The following IKBKE variants were observed in gnomAD, a reference collection of about 807,000 sequenced individuals.
The protein encoded by IKBKE is inhibitor of nuclear factor kappa B kinase subunit epsilon, also known as inhibitor of nuclear factor kappa-B kinase subunit epsilon.
Under a neutral mutation model 92.1 loss-of-function variants are expected in IKBKE, and 45 were observed. The observed-to-expected ratio is 0.49, with a 90% confidence interval of 0.38 to 0.63. The LOEUF is 0.63. Among genes scored for constraint, IKBKE ranks in the 20% least tolerant of loss-of-function variants. IKBKE has a pLI of 0.00. For missense variants in IKBKE, 700 were observed against 932.8 expected (o/e 0.75, Z 3.25); for synonymous variants, 374 against 380.3 (o/e 0.98, Z 0.19).
chr1:206,488,804 G>A (rs1049794511), intron 16 of IKBKE, among the ~76,000 whole-genome samples: 4 of 152,132 alleles, frequency 2.6e-5, no homozygotes, highest in Non-Finnish European at 5.9e-5. Context: ...TGCCAGACAC[G>A]TATGTAATTC....
intron 4 of IKBKE, 78 bp from the exon 5 acceptor site, chr1:206,474,787 C>A: frequency 6.5e-7 from 1 of 1,550,062 alleles, no homozygotes; most frequent in Non-Finnish European, 8.8e-7. Context: ...GCTCTGGGCT[C>A]CAGGCTGAGC....
chr1:206,480,920 G>A (rs767605046), intron 13 of IKBKE, among the ~76,000 whole-genome samples: 1 of 152,168 alleles, frequency 6.6e-6, no homozygotes, highest in Non-Finnish European at 1.5e-5. Flanking sequence ...GTTCCTGGAT[G>A]TGACCAGGGA....
Position 206,478,129 on chromosome 1 carries a change from C to T in IKBKE, c.813-31C>T, listed in dbSNP as rs576052033. On this transcript the variant is annotated intron_variant, in intron 8 of 21. Coordinates refer to ENST00000581977, the MANE Select transcript of IKBKE (RefSeq NM_014002.4). This position sits in a 1 kb window ranked among gnomAD's most constrained non-coding sequence, Gnocchi z 4.8. Reference sequence around the variant, plus strand: ...AAGGAGGATAGGTCTGGGCCCCCACCCCTGACAGTCTCCATGTCCTGGGAG... The same window carrying T: ...AAGGAGGATAGGTCTGGGCCCCCACTCCTGACAGTCTCCATGTCCTGGGAG... The T allele has an allele frequency of 1.4e-5, 23 of 1,605,114 alleles. No homozygotes were observed. The Admixed American group carries it at 3.5e-4, about 25-fold the overall frequency.
chr1:206,484,483 C>T (rs1247018311), intron 13 of IKBKE, among the ~76,000 whole-genome samples: 1 of 152,172 alleles, frequency 6.6e-6, no homozygotes, highest in Admixed American at 6.5e-5. Flanking sequence ...TGCAAATGCC[C>T]ACCCCATTAT....
chr1:206,488,282 G>A (rs1400397549), intron 16 of IKBKE, among the ~76,000 whole-genome samples: 7 of 152,230 alleles, frequency 4.6e-5, no homozygotes, highest in South Asian at 2.1e-4. Context: ...CCAGTGGGCC[G>A]GGACCTGGGT....
In IKBKE at chr1:206,493,035, G is replaced by C. The variant is rs1553391021; in HGVS notation, c.1848G>C (p.Glu616Asp). The change falls in exon 19 of 22, where the codon GAG becomes GAC. Residue 616 changes from glutamate to aspartate, a missense_variant. Glu to Asp is a conservative substitution (Grantham distance 45). Coordinates refer to ENST00000581977, the MANE Select transcript of IKBKE (RefSeq NM_014002.4). ...GTGTTCTCTTGAGGGTGGTGCACGA[G>C]ACCAGGAACCACCTGCGCCTGGTTG... ...THGKRMRVVHETRNHLRLVGC... is the reference protein window; with the variant it reads ...THGKRMRVVHDTRNHLRLVGC... The C allele has an allele frequency of 6.4e-7, 1 of 1,573,696 alleles. No homozygotes were observed. Among genetic ancestry groups the C allele is most frequent in the Admixed American group, 1.9e-5 (1 of 53,304 alleles).
At position 206,487,677 on chromosome 1, in the gene IKBKE, C is replaced by T. The variant is rs782270459; in HGVS notation, c.1617-237C>T. 5.9e-5 allele frequency among the ~76,000 whole-genome samples: 9 copies of T among 152,046 alleles called. No individual in the cohort carries two copies. Among genetic ancestry groups the T allele is most frequent in the Admixed American group, 1.3e-4 (2 of 15,268 alleles). On this transcript the variant is annotated intron_variant, in intron 15 of 21. Coordinates refer to ENST00000581977, the MANE Select transcript of IKBKE (RefSeq NM_014002.4). This position sits in a 1 kb window ranked among gnomAD's most constrained non-coding sequence, Gnocchi z 5.3. ...CTTATCTCCTACTTAACTCATGCTG[C>T]GAGTGCATGTGTGTGAGAGAGGAAG... is the stretch of plus-strand genomic sequence containing the variant.
At chr1:206,474,615 G>A (rs1664956864) in intron 4 of IKBKE, 144 bp downstream of exon 4, 4 of 911,848 alleles carry the variant, frequency 4.4e-6, no homozygotes, top group East Asian at 2.7e-5. Context: ...GGAGCAAAGG[G>A]GGCAAGGGGG....
chr1:206,482,483 C>T (rs570937196), intron 13 of IKBKE, among the ~76,000 whole-genome samples: 96 of 152,304 alleles, frequency 6.3e-4, no homozygotes, highest in African/African-American at 1.9e-3. Flanking sequence ...TCCTGGTGTC[C>T]GCTGGCTGCT....
chr1:206,478,825 C>G lies in IKBKE; in HGVS notation c.993-118C>G, dbSNP rs570632784. 1,207 of 801,420 alleles carry G rather than the reference C, an allele frequency of 1.5e-3. 17 individuals carry two copies. The highest frequency in any genetic ancestry group is 0.011 in the South Asian group (745 of 69,328). 49.6% of individuals were successfully genotyped at this position (801,420 alleles called of 1,614,324 possible). On this transcript the variant is annotated intron_variant, in intron 9 of 21. Coordinates refer to ENST00000581977, the MANE Select transcript of IKBKE (RefSeq NM_014002.4). The surrounding 1 kb of genome is among the most constrained non-coding windows in gnomAD (Gnocchi z 4.8). Reference sequence around the variant, plus strand: ...CAGAGAAAACCACCCCCGTCCCTCCCTCTGCAAAACAGAGCCCTGTCTATG... The same window carrying G: ...CAGAGAAAACCACCCCCGTCCCTCCGTCTGCAAAACAGAGCCCTGTCTATG...
chr1:206,474,549 A>G (rs1664952645), intron 4 of IKBKE, 78 bp downstream of exon 4: 7 of 1,412,516 alleles, frequency 5.0e-6, no homozygotes, highest in Non-Finnish European at 6.8e-6. Context: ...ACATGATAAC[A>G]GAGATTTGGT....
rs1011590855 is a variant in IKBKE at position 206,476,770 on chromosome 1, G to T, written c.633G>T (p.Leu211Phe). 5 of 1,614,240 alleles carry T rather than the reference G, an allele frequency of 3.1e-6. No individual in the cohort carries two copies. The highest frequency in any genetic ancestry group is 4.2e-6 in the Non-Finnish European group (5 of 1,180,046). Residue 211 changes from leucine (L) to phenylalanine (F), a missense_variant, in exon 7 of 22, where the codon TTG (leucine) becomes TTT (phenylalanine). By Grantham distance (22) the Leu-to-Phe change is conservative. Coordinates refer to ENST00000581977, the MANE Select transcript of IKBKE (RefSeq NM_014002.4). The surrounding 1 kb of genome is among the most constrained non-coding windows in gnomAD (Gnocchi z 5.1). ...TVDLWSIGVT[L>F]YHAATGSLPF... is the part of the protein sequence containing the mutation. ...ATCTCTGGAGCATTGGAGTGACCTT[G>T]TACCATGCAGCCACTGGCAGCCTGC...
At position 206,487,998 on chromosome 1, in the gene IKBKE, C is replaced by A; in HGVS notation, c.1693+8C>A. On this transcript the variant is annotated splice_region_variant and intron_variant, in intron 16 of 21. Coordinates refer to ENST00000581977, the MANE Select transcript of IKBKE (RefSeq NM_014002.4). The surrounding 1 kb of genome is among the most constrained non-coding windows in gnomAD (Gnocchi z 5.3). ...AGTCTAGGATGAGGCCAGGTGAGCC[C>A]GGGGAGGGCAGATGCCCCTTCTCTC... The A allele has an allele frequency of 6.2e-7, 1 of 1,606,528 alleles. No homozygotes were observed.
In IKBKE at chr1:206,496,109, T is replaced by C. The variant is rs41299894; in HGVS notation, c.2118-3T>C. 5,508 of 1,613,014 alleles carry C rather than the reference T, an allele frequency of 3.4e-3. 206 individuals are homozygous for C. In the African/African-American group the frequency reaches 0.066, roughly 19 times the overall value. On this transcript the variant is annotated splice_polypyrimidine_tract_variant and splice_region_variant and intron_variant, in intron 21 of 21. Transcript: ENST00000581977. The stretch of plus-strand genomic sequence containing the variant: ...CACTGCTAGCCTGTACCTTTTCTTG[T>C]AGGCTAAATAGAGTCCCAGCACCTC...
In IKBKE at chr1:206,478,842, C is replaced by A; in HGVS notation, c.993-101C>A. On this transcript the variant is annotated intron_variant, in intron 9 of 21. Transcript: ENST00000581977. The surrounding 1 kb of genome is among the most constrained non-coding windows in gnomAD (Gnocchi z 4.8). ...GTCCCTCCCTCTGCAAAACAGAGCC[C>A]TGTCTATGGGCAACGCTTAGCTGGG... 1.1e-6 allele frequency: 1 copy of A among 918,030 alleles called. No individual in the cohort carries two copies. The highest frequency in any genetic ancestry group is 1.3e-5 in the South Asian group (1 of 75,156). 56.9% of individuals were successfully genotyped at this position (918,030 alleles called of 1,614,324 possible). A position where few individuals can be genotyped will look rare whatever the true frequency, so the allele number is the denominator to read the frequency against.
At position 206,478,091 on chromosome 1, in the gene IKBKE, C is replaced by T. The variant is rs1665168812; in HGVS notation, c.813-69C>T. 7.4e-7 allele frequency: 1 copy of T among 1,357,670 alleles called. No homozygotes were observed. Among genetic ancestry groups the T allele is most frequent in the African/African-American group, 1.4e-5 (1 of 69,918 alleles). 84.1% of individuals were successfully genotyped at this position (1,357,670 alleles called of 1,614,324 possible). Reference sequence around the variant, plus strand: ...TTCAGGATATTCTCTTAGAACGCTCCTATTGCCTGCTTAAGGAGGATAGGT... The same window carrying T: ...TTCAGGATATTCTCTTAGAACGCTCTTATTGCCTGCTTAAGGAGGATAGGT... On this transcript the variant is annotated intron_variant, in intron 8 of 21. Coordinates refer to ENST00000581977, the MANE Select transcript of IKBKE (RefSeq NM_014002.4). This position sits in a 1 kb window ranked among gnomAD's most constrained non-coding sequence, Gnocchi z 4.8.
chr1:206,485,119 G>T lies in IKBKE; in HGVS notation c.1503+47G>T. On this transcript the variant is annotated intron_variant, in intron 14 of 21. Transcript: ENST00000581977. The surrounding 1 kb of genome is among the most constrained non-coding windows in gnomAD (Gnocchi z 5.0). ...GGGCTTAGCAGGATCAGAGCTGGGG[G>T]CCCGTGTTCCAGCCAGCCTGCCCAC... The T allele has an allele frequency of 6.3e-7, 1 of 1,592,598 alleles. No homozygotes were observed. Among genetic ancestry groups the T allele is most frequent in the Non-Finnish European group, 8.6e-7 (1 of 1,160,446 alleles).
Position 206,474,970 on chromosome 1 carries a change from T to C in IKBKE, c.334T>C (p.Phe112Leu). ...TGCCTTTGGGCTGCCTGAGGATGAGTTCCTGGTGGTGCTGCGCTGTGTGGG... is the reference window on the plus strand; with the variant it reads ...TGCCTTTGGGCTGCCTGAGGATGAGCTCCTGGTGGTGCTGCGCTGTGTGGG... ...ENAFGLPEDE[F>L]LVVLRCVVAG... is the part of the protein sequence containing the mutation. The change falls in exon 5 of 22, where the codon TTC (phenylalanine) becomes CTC (leucine). Residue 112 changes from phenylalanine (F) to leucine (L), a missense_variant. Transcript: ENST00000581977. 1 of 1,613,898 alleles carries C rather than the reference T, an allele frequency of 6.2e-7. No homozygotes were observed. Among genetic ancestry groups the C allele is most frequent in the Non-Finnish European group, 8.5e-7 (1 of 1,179,980 alleles).
rs1553384568 is a variant in IKBKE, at chr1:206,474,315, C to G, written c.88-16C>G. ...TAATCCCATGCTGTCTCCCACTGCTCCCTCCCCAATGGCAGAAATCCGGAG... is the reference window on the plus strand; with the variant it reads ...TAATCCCATGCTGTCTCCCACTGCTGCCTCCCCAATGGCAGAAATCCGGAG... On this transcript the variant is annotated splice_polypyrimidine_tract_variant and intron_variant, in intron 3 of 21. Coordinates refer to ENST00000581977, the MANE Select transcript of IKBKE (RefSeq NM_014002.4). The G allele has an allele frequency of 3.7e-6, 6 of 1,607,514 alleles. No individual in the cohort carries two copies. The South Asian group carries it at 6.7e-5, about 18-fold the overall frequency.
Sources: allele counts gnomAD v4.1 joint callset (sites outside exome capture counted in the v4.1 genomes callset), GRCh38; gene constraint gnomAD v4.1.1; non-coding constraint Gnocchi (gnomAD v3.1); transcripts MANE v1.5; gene names NCBI Gene and HGNC (gene_info 2026-07-23, HGNC 2026-07-21).